ENPEP: variants seen among roughly 807,000 people sequenced by gnomAD.
ENPEP encodes the protein AP-A.
A neutral mutation model predicts 114.5 loss-of-function variants in ENPEP; 103 were observed. That is an observed-to-expected ratio of 0.90 (90% CI 0.77 to 1.06). The LOEUF (loss-of-function observed/expected upper bound fraction) is 1.06, where lower values mean the gene tolerates loss of function less well. Among genes scored for constraint, ENPEP ranks in the 50% least tolerant of loss-of-function variants. ENPEP has a pLI of 0.00. For synonymous variants in ENPEP, 420 were observed against 422.0 expected (o/e 1.00, Z 0.06); for missense variants, 1,196 against 1,161.3 (o/e 1.03, Z -0.43).
chr4:110,554,196 A>T (rs1235470805), intron 18 of ENPEP, among the ~76,000 whole-genome samples: 1 of 152,036 alleles, frequency 6.6e-6, no homozygotes, highest in African/African-American at 2.4e-5. Context: ...AAAGACCTTT[A>T]CCATCTGTAA....
intron 9 of ENPEP, 29 bp from the exon 10 acceptor site, chr4:110,520,186 A>C (rs575212624): frequency 6.2e-7 from 1 of 1,606,190 alleles, no homozygotes; most frequent in East Asian, 2.2e-5. Context: ...TTGTTAATTA[A>C]TTAATCTCCA....
rs187704956 is a variant in ENPEP at position 110,533,111 on chromosome 4, C to T, written c.1807+1834C>T. The T allele has an allele frequency of 1.9e-3, 883 of 452,880 alleles. 2 individuals carry two copies. Among genetic ancestry groups the T allele is most frequent in the Non-Finnish European group, 3.0e-3 (675 of 225,054 alleles). 28.1% of individuals were successfully genotyped at this position (452,880 alleles called of 1,614,324 possible). A position where few individuals can be genotyped will look rare whatever the true frequency, so the allele number is the denominator to read the frequency against. On this transcript the variant is annotated intron_variant, in intron 11 of 19. Coordinates refer to ENST00000265162, the MANE Select transcript of ENPEP (RefSeq NM_001977.4). ...TTAATTGAGGATTGGAAGAATATCT[C>T]GGCAGCTGTTTGATTTACTGTTTAC...
rs1189453008 is a variant in ENPEP, at chr4:110,485,482, C to T, written c.645-3059C>T. Among the ~76,000 whole-genome samples, 12 of 152,248 alleles carry T rather than the reference C, an allele frequency of 7.9e-5. No individual in the cohort carries two copies. In the South Asian group the frequency reaches 1.7e-3, roughly 21 times the overall value. ...AACATCAGAGCATATTTCTTAAGCA[C>T]GGGGGCATTCTCTAAAATAAACATA... On this transcript the variant is annotated intron_variant, in intron 1 of 19. Transcript: ENST00000265162.
chr4:110,530,983 A>G (rs1247488864), intron 10 of ENPEP, among the ~76,000 whole-genome samples: 1 of 152,150 alleles, frequency 6.6e-6, no homozygotes, highest in Admixed American at 6.5e-5. Flanking sequence ...TTTTGATGCA[A>G]TTTCTAAATT....
chr4:110,531,378 C>T, intron 11 of ENPEP, 101 bp downstream of exon 11: 1 of 921,970 alleles, frequency 1.1e-6, no homozygotes. Context: ...CTTATGTAAA[C>T]TTCAGCTAAG....
intron 18 of ENPEP, among the ~76,000 whole-genome samples, chr4:110,556,594 G>T (rs1196587413): frequency 6.6e-6 from 1 of 151,354 alleles, no homozygotes; most frequent in East Asian, 1.9e-4. Context: ...ATCCTTTGTT[G>T]TTTTTTTTAA....
chr4:110,504,711 T>C (rs1482848653), intron 3 of ENPEP, among the ~76,000 whole-genome samples: 1 of 152,200 alleles, frequency 6.6e-6, no homozygotes, highest in Admixed American at 6.5e-5. Flanking sequence ...CTTTAAACAC[T>C]GCCTTCCACT....
rs56771300 is a variant in ENPEP, at chr4:110,540,973, T to A, written c.1808-1778T>A. Among the ~76,000 whole-genome samples, 1,167 of 152,178 alleles carry A rather than the reference T, an allele frequency of 7.7e-3. 7 individuals carry two copies. Among genetic ancestry groups the A allele is most frequent in the African/African-American group, 0.027 (1,121 of 41,530 alleles). On this transcript the variant is annotated intron_variant, in intron 11 of 19. Coordinates refer to ENST00000265162, the MANE Select transcript of ENPEP (RefSeq NM_001977.4). ...ACAGCTAGTAAGTCACAGAGCAAGG[T>A]TTTTATCCTAGGTCTGTGAGACTCA...
chr4:110,545,372 T>G (rs961403348), intron 13 of ENPEP, among the ~76,000 whole-genome samples: 7 of 152,074 alleles, frequency 4.6e-5, no homozygotes, highest in Non-Finnish European at 8.8e-5. Context: ...CACTAGTTCA[T>G]CCAAACCCTC....
At chr4:110,553,787 C>T (rs531866743) in intron 18 of ENPEP, among the ~76,000 whole-genome samples, 37 of 152,058 alleles carry the variant, frequency 2.4e-4, no homozygotes, top group Non-Finnish European at 4.0e-4. Flanking sequence ...ATATTTAGTT[C>T]TCAATTAATG....
intron 1 of ENPEP, among the ~76,000 whole-genome samples, chr4:110,482,082 G>A (rs1037261940): frequency 8.5e-5 from 13 of 152,328 alleles, no homozygotes; most frequent in African/African-American, 3.1e-4. Context: ...TAGGCATTAT[G>A]AAGGAGAAAT....
intron 11 of ENPEP, among the ~76,000 whole-genome samples, chr4:110,538,990 T>C (rs1726748873): frequency 6.6e-6 from 1 of 152,164 alleles, no homozygotes; most frequent in African/African-American, 2.4e-5. Flanking sequence ...ATGGGTGTGG[T>C]TCGTGGCTCC....
chr4:110,476,333 CAAT>C lies in ENPEP; in HGVS notation c.-81_-79del. ...GGCTGCCAAATCAGGGGATTCCTTC[CAAT>C]TTAAAAAGGAAGTCTGCTGACGTTA... is the stretch of plus-strand genomic sequence containing the variant. On this transcript the variant is annotated 5_prime_UTR_variant, in exon 1 of 20. Transcript: ENST00000265162. The C allele has an allele frequency of 1.4e-6, 2 of 1,473,664 alleles. No individual in the cohort carries two copies. Among genetic ancestry groups the C allele is most frequent in the Non-Finnish European group, 1.8e-6 (2 of 1,105,372 alleles). The allele number at this position is 1,473,664 out of a possible 1,614,324, so 91.3% of individuals were successfully genotyped here. A position where few individuals can be genotyped will look rare whatever the true frequency, so the allele number is the denominator to read the frequency against.
Position 110,476,491 on chromosome 4 carries a change from T to TGGTG in ENPEP, c.82_85dup (p.Val29GlyfsTer17). 1 of 1,580,522 alleles carries TGGTG rather than the reference T, an allele frequency of 6.3e-7. No individual in the cohort carries two copies. On this transcript the variant is annotated frameshift_variant, in exon 1 of 20. Transcript: ENST00000265162. LOFTEE classifies it high-confidence loss of function. ...CATGTGGCCATTCTCTGTGCGGTGG[T>TGGTG]GGTGGGTGTAGGATTAATAGTGGGA...
At chr4:110,480,678 C>G (rs1254739594) in intron 1 of ENPEP, among the ~76,000 whole-genome samples, 1 of 152,172 alleles carries the variant, frequency 6.6e-6, no homozygotes, top group Non-Finnish European at 1.5e-5. Context: ...GGACTTTGAG[C>G]TTCACAAACT....
rs142680864 is a variant in ENPEP at position 110,554,183 on chromosome 4, T to G, written c.2642+728T>G. Reference sequence around the variant, plus strand: ...TCCCAAATAAACATATAAACATTGATGAAAAGACCTTTACCATCTGTAATC... The same window carrying G: ...TCCCAAATAAACATATAAACATTGAGGAAAAGACCTTTACCATCTGTAATC... On this transcript the variant is annotated intron_variant, in intron 18 of 19. Transcript: ENST00000265162. 4.6e-5 allele frequency among the ~76,000 whole-genome samples: 7 copies of G among 152,168 alleles called. No homozygotes were observed. In the East Asian group the frequency reaches 9.7e-4, roughly 21 times the overall value.
Position 110,542,779 on chromosome 4 carries a change from T to A in ENPEP, c.1836T>A (p.Ser612Arg), listed in dbSNP as rs1194614920. The change falls in exon 12 of 20, where the codon AGT (serine) becomes AGA (arginine). Residue 612 changes from serine (S) to arginine (R), a missense_variant. Coordinates refer to ENST00000265162, the MANE Select transcript of ENPEP (RefSeq NM_001977.4). ...EGITLNSSNP[S>R]GNAFLKINPD... ...TCACTTTGAACTCCTCTAATCCTAG[T>A]GGAAATGCTTTTCTCAAAATAAACC... 2 of 1,612,548 alleles carry A rather than the reference T, an allele frequency of 1.2e-6. No individual in the cohort carries two copies. Among genetic ancestry groups the A allele is most frequent in the African/African-American group, 2.7e-5 (2 of 74,862 alleles).
rs1726297141 is a variant in ENPEP at position 110,528,871 on chromosome 4, C to A, written c.1728-2327C>A. On this transcript the variant is annotated intron_variant, in intron 10 of 19. Coordinates refer to ENST00000265162, the MANE Select transcript of ENPEP (RefSeq NM_001977.4). The stretch of plus-strand genomic sequence containing the variant: ...GTCTATAAAAATGAATCCTGATACT[C>A]CTGAATGTTAGCCAATATGTAGAAA... Among the ~76,000 whole-genome samples the A allele has an allele frequency of 3.3e-5, 5 of 152,156 alleles. No individual in the cohort carries two copies. The South Asian group carries it at 1.0e-3, about 32-fold the overall frequency.
chr4:110,478,845 A>G (rs1195445224), intron 1 of ENPEP, among the ~76,000 whole-genome samples: 2 of 152,222 alleles, frequency 1.3e-5, no homozygotes, highest in East Asian at 3.8e-4. Flanking sequence ...GTATTTTATT[A>G]TTATAAACAA....
Sources: gnomAD v4.1 joint callset for allele counts (sites outside exome capture counted in the v4.1 genomes callset) on GRCh38, gnomAD v4.1.1 for gene constraint, MANE v1.5 for transcripts, NCBI Gene and HGNC (gene_info 2026-07-23, HGNC 2026-07-21) for gene names.